Variants in TSPAN9 observed in about 807,000 individuals in gnomAD.
The protein encoded by TSPAN9 is tetraspanin-9.
A neutral mutation model predicts 31.0 loss-of-function variants in TSPAN9; 16 were observed. The ratio of observed to expected loss-of-function variants is 0.52; its 90% CI spans 0.35 to 0.78. The LOEUF (loss-of-function observed/expected upper bound fraction) is 0.78. Among genes scored for constraint, TSPAN9 ranks in the 30% least tolerant of loss-of-function variants. The pLI is 0.01. For synonymous variants in TSPAN9, 145 were observed against 121.6 expected, an observed-to-expected ratio of 1.19 and a Z score of -1.27; for missense variants, 272 against 312.5, an observed-to-expected ratio of 0.87 and a Z score of 0.98.
At chr12:3,088,455 G>T (rs1463693244) in intron 2 of TSPAN9, among the ~76,000 whole-genome samples, 3 of 152,220 alleles carry the variant, frequency 2.0e-5, no homozygotes, top group Non-Finnish European at 4.4e-5. Context: ...GTGGGGCTGG[G>T]GGGGAAGCTC....
chr12:3,103,365 C>G (rs2098312723), intron 2 of TSPAN9, among the ~76,000 whole-genome samples: 1 of 152,202 alleles, frequency 6.6e-6, no homozygotes, highest in African/African-American at 2.4e-5. Flanking sequence ...GGTTATCTTT[C>G]CATTCCTCAC....
chr12:3,189,132 C>T (rs898744815), intron 2 of TSPAN9, among the ~76,000 whole-genome samples: 9 of 152,154 alleles, frequency 5.9e-5, no homozygotes, highest in African/African-American at 2.2e-4. Flanking sequence ...AAGAAGAGTG[C>T]CTCTTCATTT....
At chr12:3,125,115 A>C (rs1315600851) in intron 2 of TSPAN9, 1 of 152,220 alleles carries the variant, frequency 6.6e-6, no homozygotes, top group East Asian at 1.9e-4. Context: ...CAAATATTGT[A>C]AGATATAACA....
At chr12:3,105,001 G>C (rs1371482355) in intron 2 of TSPAN9, among the ~76,000 whole-genome samples, 1 of 152,226 alleles carries the variant, frequency 6.6e-6, no homozygotes, top group Non-Finnish European at 1.5e-5. Flanking sequence ...CACCCTGGGA[G>C]AGGGGTGAGG....
chr12:3,140,085 G>A (rs572733929), intron 2 of TSPAN9, among the ~76,000 whole-genome samples: 25 of 152,292 alleles, frequency 1.6e-4, no homozygotes, highest in African/African-American at 4.8e-4. Flanking sequence ...GTATCTCAGG[G>A]CAGCCACCAG....
chr12:3,086,621 G>A (rs1458324327), intron 2 of TSPAN9, among the ~76,000 whole-genome samples: 1 of 152,160 alleles, frequency 6.6e-6, no homozygotes, highest in Non-Finnish European at 1.5e-5. Context: ...CCTCCCACCT[G>A]CTGGAGAGGC....
At chr12:3,131,481 G>C (rs542757056) in intron 2 of TSPAN9, among the ~76,000 whole-genome samples, 2 of 152,302 alleles carry the variant, frequency 1.3e-5, no homozygotes, top group South Asian at 2.1e-4. Context: ...TTCTTCACCC[G>C]AAACTGGGGG....
At chr12:3,281,416 G>T (rs997454868) in intron 7 of TSPAN9, 87 bp downstream of exon 7, 2 of 1,457,430 alleles carry the variant, frequency 1.4e-6, no homozygotes, top group African/African-American at 1.4e-5. Context: ...GCTGGGCCCG[G>T]GACACTAAGA....
chr12:3,234,041 G>C (rs529986359), intron 3 of TSPAN9, among the ~76,000 whole-genome samples: 55 of 152,316 alleles, frequency 3.6e-4, no homozygotes, highest in African/African-American at 9.6e-4. Context: ...TTGTGTAAAC[G>C]TGGGTGTGTA....
intron 2 of TSPAN9, among the ~76,000 whole-genome samples, chr12:3,190,111 G>A (rs896175226): frequency 6.6e-6 from 1 of 152,204 alleles, no homozygotes; most frequent in Admixed American, 6.5e-5. Flanking sequence ...TTCCACATTG[G>A]CTCTAGTACC....
chr12:3,251,327 G>T (rs1862240647), intron 3 of TSPAN9, among the ~76,000 whole-genome samples: 1 of 152,162 alleles, frequency 6.6e-6, no homozygotes, highest in East Asian at 1.9e-4. Flanking sequence ...CCTCGCATTG[G>T]TGGCATCCTC....
chr12:3,152,748 G>A (rs1015115114), intron 2 of TSPAN9, among the ~76,000 whole-genome samples: 5 of 152,080 alleles, frequency 3.3e-5, no homozygotes, highest in Non-Finnish European at 7.4e-5. Flanking sequence ...CACTATGCCC[G>A]GCTAATTTTT....
At chr12:3,161,452 T>A (rs73243083) in intron 2 of TSPAN9, among the ~76,000 whole-genome samples, 4,337 of 152,272 alleles carry the variant, frequency 0.028, 216 homozygotes, top group African/African-American at 0.099. Context: ...TACATTTTTC[T>A]CCTGTGGGTA....
chr12:3,273,784 G>T (rs568858082), intron 3 of TSPAN9, among the ~76,000 whole-genome samples: 2 of 152,256 alleles, frequency 1.3e-5, no homozygotes, highest in South Asian at 2.1e-4. Context: ...CTGCCCTCCT[G>T]CCTGTGCGGG....
intron 3 of TSPAN9, among the ~76,000 whole-genome samples, chr12:3,274,609 G>C (rs1862749310): frequency 6.6e-6 from 1 of 152,230 alleles, no homozygotes; most frequent in Non-Finnish European, 1.5e-5. Context: ...CAGAAACCAA[G>C]GTTTTGTCCC....
chr12:3,152,721 G>C (rs2098340425), intron 2 of TSPAN9, among the ~76,000 whole-genome samples: 1 of 152,100 alleles, frequency 6.6e-6, no homozygotes, highest in South Asian at 2.1e-4. Flanking sequence ...CAAGTAGCTG[G>C]GACTACAAAT....
chr12:3,120,678 G>T (rs530456320), intron 2 of TSPAN9, among the ~76,000 whole-genome samples: 1 of 152,372 alleles, frequency 6.6e-6, no homozygotes, highest in African/African-American at 2.4e-5. Flanking sequence ...CTTGGCACGG[G>T]CCTGGGCCAG....
intron 8 of TSPAN9, chr12:3,282,098 G>C (rs1223375770): frequency 1.6e-6 from 1 of 641,432 alleles, no homozygotes; most frequent in Non-Finnish European, 2.8e-6. Context: ...CCCCAGTTCT[G>C]CCCAAACCTT....
chr12:3,231,477 C>T (rs980281487), intron 3 of TSPAN9, among the ~76,000 whole-genome samples: 1 of 152,210 alleles, frequency 6.6e-6, no homozygotes, highest in African/African-American at 2.4e-5. Context: ...CGCGTCACTA[C>T]GGAGAGATGC....
Sources: allele counts gnomAD v4.1 joint callset (sites outside exome capture counted in the v4.1 genomes callset), GRCh38; gene constraint gnomAD v4.1.1; transcripts MANE v1.5; gene names NCBI Gene and HGNC (gene_info 2026-07-23, HGNC 2026-07-21).